SYT17: variants seen among roughly 807,000 people sequenced by gnomAD.
SYT17 encodes synaptotagmin 17, also known as synaptotagmin-17.
SYT17 carries 22 observed loss-of-function variants against 46.7 expected under a neutral mutation model. The ratio of observed to expected loss-of-function variants is 0.47; its 90% CI spans 0.34 to 0.67. SYT17 has a LOEUF of 0.67. SYT17 is among the 30% of genes least tolerant of loss of function. SYT17 has a pLI of 0.01. For synonymous variants in SYT17, 251 were observed against 248.4 expected, an observed-to-expected ratio of 1.01 and a Z score of -0.10; for missense variants, 519 against 612.8, an observed-to-expected ratio of 0.85 and a Z score of 1.62.
At chr16:19,219,408 C>CAAAAAAAAAAAA (rs1245756343) in intron 5 of SYT17, among the ~76,000 whole-genome samples, 1 of 1,344 alleles carries the variant, frequency 7.4e-4, no homozygotes, top group Non-Finnish European at 1.2e-3. Flanking sequence ...GACTCCGTCT[C>CAAAAAAAAAAAA]AAAAAAAAAA....
At position 19,232,049 on chromosome 16, in the gene SYT17, A is replaced by AGG. The variant is rs1966714518; in HGVS notation, c.1228+7212_1228+7213dup. Among the ~76,000 whole-genome samples the AGG allele has an allele frequency of 3.9e-5, 6 of 152,256 alleles. No homozygotes were observed. In the South Asian group the frequency reaches 1.2e-3, roughly 32 times the overall value. ...AGAGAGGATTGCAGGGGATGCAGAG[A>AGG]GGTCGGCCGGGCTCCCGCCCCGGAA... On this transcript the variant is annotated intron_variant, in intron 7 of 7. Coordinates refer to ENST00000355377, the MANE Select transcript of SYT17 (RefSeq NM_016524.4).
In SYT17 at chr16:19,172,765, A is replaced by C. The variant is rs1156634680; in HGVS notation, c.21A>C (p.Glu7Asp). Residue 7 changes from glutamate (E) to aspartate (D), a missense_variant, in exon 2 of 8, where the codon GAA (glutamate) becomes GAC (aspartate). Glu to Asp is a conservative substitution (Grantham distance 45, BLOSUM62 2). Transcript: ENST00000355377. MAYIQL[E>D]PLNEGFLSRI... is the part of the protein sequence containing the mutation. ...CGTGGATCTTAAAAGGGCAGTTGGA[A>C]CCATTAAACGAGGTGGGTTCATTTG... The C allele has an allele frequency of 6.2e-7, 1 of 1,613,718 alleles. No homozygotes were observed. The highest frequency in any genetic ancestry group is 8.5e-7 in the Non-Finnish European group (1 of 1,179,954).
At chr16:19,239,752 C>T (rs2142951088) in intron 7 of SYT17, among the ~76,000 whole-genome samples, 1 of 152,304 alleles carries the variant, frequency 6.6e-6, no homozygotes, top group East Asian at 1.9e-4. Flanking sequence ...TTTGCCTGGA[C>T]CCACTGGGCC....
chr16:19,264,017 C>G (rs914525737), intron 7 of SYT17, among the ~76,000 whole-genome samples: 1 of 152,138 alleles, frequency 6.6e-6, no homozygotes, highest in African/African-American at 2.4e-5. Flanking sequence ...GGTTGGAGCC[C>G]TCATAATTGG....
At chr16:19,177,028 C>A (rs998377813) in intron 3 of SYT17, among the ~76,000 whole-genome samples, 5 of 152,192 alleles carry the variant, frequency 3.3e-5, no homozygotes, top group Non-Finnish European at 7.3e-5. Context: ...AGCCAGGTAC[C>A]TGTTTGCCCC....
At chr16:19,182,602 T>C (rs536731225) in intron 4 of SYT17, among the ~76,000 whole-genome samples, 1 of 152,348 alleles carries the variant, frequency 6.6e-6, no homozygotes, top group South Asian at 2.1e-4. Context: ...TATCTCCATT[T>C]AGCATACATC....
intron 5 of SYT17, among the ~76,000 whole-genome samples, chr16:19,193,010 C>T (rs542671795): frequency 5.9e-5 from 9 of 152,292 alleles, no homozygotes; most frequent in African/African-American, 2.2e-4. Flanking sequence ...CCGAGAAACA[C>T]TGGGTGGCTG....
chr16:19,252,703 T>C (rs867979405), intron 7 of SYT17, among the ~76,000 whole-genome samples: 15 of 150,622 alleles, frequency 1.0e-4, no homozygotes, highest in Middle Eastern at 3.4e-3. Flanking sequence ...AATGTTTGCA[T>C]GAGGCACTTA....
At chr16:19,232,672 A>T (rs1414315327) in intron 7 of SYT17, among the ~76,000 whole-genome samples, 1 of 151,930 alleles carries the variant, frequency 6.6e-6, no homozygotes. Flanking sequence ...CTCTACTAAA[A>T]TTACAAAAAT....
intron 5 of SYT17, among the ~76,000 whole-genome samples, chr16:19,220,647 A>C (rs2142855681): frequency 6.6e-6 from 1 of 152,306 alleles, no homozygotes; most frequent in South Asian, 2.1e-4. Context: ...ATTGAGGACC[A>C]TCATGATATG....
In SYT17 at chr16:19,217,633, A is replaced by G. The variant is rs144225150; in HGVS notation, c.952-5412A>G. On this transcript the variant is annotated intron_variant, in intron 5 of 7. Transcript: ENST00000355377. Reference sequence around the variant, plus strand: ...ATTTAGGCTGCTTCCACTTTTGTCTATTGTGAATAGTGCTGCTATGAACAT... The same window carrying G: ...ATTTAGGCTGCTTCCACTTTTGTCTGTTGTGAATAGTGCTGCTATGAACAT... 9.2e-5 allele frequency among the ~76,000 whole-genome samples: 14 copies of G among 152,226 alleles called. No homozygotes were observed. In the East Asian group the frequency reaches 2.1e-3, roughly 23 times the overall value.
chr16:19,251,399 G>C (rs1968057002), intron 7 of SYT17, among the ~76,000 whole-genome samples: 1 of 152,218 alleles, frequency 6.6e-6, no homozygotes, highest in Non-Finnish European at 1.5e-5. Context: ...TGGGGAATAA[G>C]GAAAAGGCCT....
At chr16:19,175,085 C>T (rs752839665) in intron 3 of SYT17, among the ~76,000 whole-genome samples, 4 of 151,748 alleles carry the variant, frequency 2.6e-5, no homozygotes, top group African/African-American at 9.7e-5. Flanking sequence ...GCTGTGATTG[C>T]GCCACTGCAC....
At chr16:19,218,127 C>T (rs1042831501) in intron 5 of SYT17, among the ~76,000 whole-genome samples, 3 of 152,122 alleles carry the variant, frequency 2.0e-5, no homozygotes, top group Non-Finnish European at 2.9e-5. Flanking sequence ...AAAAGAAATG[C>T]GATTCAGCTT....
intron 7 of SYT17, among the ~76,000 whole-genome samples, chr16:19,226,598 T>G (rs1255277558): frequency 6.6e-6 from 1 of 152,192 alleles, no homozygotes; most frequent in African/African-American, 2.4e-5. Context: ...TAATGCAGTC[T>G]GTGATGGCTG....
chr16:19,173,701 C>T, intron 3 of SYT17, 123 bp downstream of exon 3: 2 of 1,137,372 alleles, frequency 1.8e-6, no homozygotes, highest in Non-Finnish European at 2.5e-6. Flanking sequence ...GAGAAGCAGG[C>T]TGAGTTTCCA....
chr16:19,172,601 C>G, intron 1 of SYT17, 159 bp from the exon 2 acceptor site: 1 of 1,530,502 alleles, frequency 6.5e-7, no homozygotes, highest in East Asian at 2.4e-5. Context: ...GAAGTCAGCT[C>G]CCTTCCCAGG....
intron 7 of SYT17, chr16:19,249,925 C>T: frequency 2.6e-6 from 4 of 1,534,936 alleles, no homozygotes; most frequent in Non-Finnish European, 3.5e-6. Context: ...TTCACCAAGT[C>T]CTCTTTTTGC....
chr16:19,168,581 G>A lies in SYT17; in HGVS notation c.-66G>A. On this transcript the variant is annotated 5_prime_UTR_variant, in exon 1 of 8. Coordinates refer to ENST00000355377, the MANE Select transcript of SYT17 (RefSeq NM_016524.4). This position sits in a 1 kb window ranked among gnomAD's most constrained non-coding sequence, Gnocchi z 6.9. Reference sequence around the variant, plus strand: ...CCCTTTGCTTTCTTCCCCCTCCGCTGTTGGCGAGGGCAAAGTGGCCGTGGC... The same window carrying A: ...CCCTTTGCTTTCTTCCCCCTCCGCTATTGGCGAGGGCAAAGTGGCCGTGGC... 5 of 1,542,256 alleles carry A rather than the reference G, an allele frequency of 3.2e-6. No individual in the cohort carries two copies. The highest frequency in any genetic ancestry group is 4.4e-6 in the Non-Finnish European group (5 of 1,142,360).
Sources: gnomAD v4.1 joint callset for allele counts (sites outside exome capture counted in the v4.1 genomes callset) on GRCh38, gnomAD v4.1.1 for gene constraint, Gnocchi (gnomAD v3.1) non-coding constraint, MANE v1.5 for transcripts, NCBI Gene and HGNC (gene_info 2026-07-23, HGNC 2026-07-21) for gene names.